KIAA0825: variants seen among roughly 807,000 people sequenced by gnomAD.
The protein encoded by KIAA0825 is uncharacterized protein KIAA0825.
A neutral mutation model predicts 147.6 loss-of-function variants in KIAA0825; 119 were observed. The ratio of observed to expected loss-of-function variants is 0.81; its 90% CI spans 0.69 to 0.94. The LOEUF is 0.94. Ranked by LOEUF, KIAA0825 falls within the 40% of genes least tolerant of loss-of-function variation. The pLI is 0.00. For missense variants in KIAA0825, 1,381 were observed against 1,472.7 expected (o/e 0.94, Z 1.02); for synonymous variants, 470 against 518.1 (o/e 0.91, Z 1.26).
At chr5:94,616,529 TACAC>T (rs146182240) in intron 1 of KIAA0825, among the ~76,000 whole-genome samples, 2 of 150,664 alleles carry the variant, frequency 1.3e-5, no homozygotes, top group East Asian at 1.9e-4. Flanking sequence ...TCTTTCTCCC[TACAC>T]ACACACACAC....
At chr5:94,393,388 G>A (rs1468371653) in intron 17 of KIAA0825, among the ~76,000 whole-genome samples, 2 of 152,150 alleles carry the variant, frequency 1.3e-5, no homozygotes, top group African/African-American at 4.8e-5. Flanking sequence ...TAAGTTGACT[G>A]TTTACAGCTT....
intron 18 of KIAA0825, among the ~76,000 whole-genome samples, chr5:94,389,747 A>G (rs112752156): frequency 9.6e-4 from 147 of 152,358 alleles, no homozygotes; most frequent in African/African-American, 3.4e-3. Context: ...GTGGAAAAGC[A>G]GTCATAAGTA....
chr5:94,560,135 T>G (rs1198740936), intron 2 of KIAA0825, among the ~76,000 whole-genome samples: 2 of 152,222 alleles, frequency 1.3e-5, no homozygotes, highest in South Asian at 4.1e-4. Flanking sequence ...TATAACTTAA[T>G]GTACCATCAT....
intron 2 of KIAA0825, among the ~76,000 whole-genome samples, chr5:94,538,124 T>G (rs1307004464): frequency 6.6e-6 from 1 of 152,128 alleles, no homozygotes; most frequent in African/African-American, 2.4e-5. Context: ...CCTCATGGAG[T>G]TTTTATTCTA....
chr5:94,600,814 T>C (rs1178507287), intron 1 of KIAA0825, among the ~76,000 whole-genome samples: 1 of 152,190 alleles, frequency 6.6e-6, no homozygotes, highest in Non-Finnish European at 1.5e-5. Flanking sequence ...ACCAGATTGC[T>C]TCCTTAAGTG....
rs962744592 is a variant in KIAA0825, at chr5:94,323,621, C to G, written c.3710+60747G>C. Among the ~76,000 whole-genome samples, 3 of 151,722 alleles carry G rather than the reference C, an allele frequency of 2.0e-5. No individual in the cohort carries two copies. The East Asian group carries it at 5.8e-4, about 29-fold the overall frequency. ...AAAGAATGGCAATGGCAAGACACTC[C>G]GTTTAAACAGAAACTTTAATTGCTT... is the stretch of plus-strand genomic sequence containing the variant. On this transcript the variant is annotated intron_variant, in intron 20 of 20. Transcript: ENST00000682413.
chr5:94,288,473 C>A lies in KIAA0825; in HGVS notation c.3710+95895G>T, dbSNP rs1584021932. Among the ~76,000 whole-genome samples the A allele has an allele frequency of 2.0e-5, 3 of 152,094 alleles. 1 individual carries two copies. Among genetic ancestry groups the A allele is most frequent in the African/African-American group, 7.2e-5 (3 of 41,412 alleles). On this transcript the variant is annotated intron_variant, in intron 20 of 20. Transcript: ENST00000682413. ...GGGAACAGGCTGAACAACATAGACA[C>A]TGGAAGAAAGCTTTGAGTTAGAGAA...
chr5:94,607,126 T>A (rs1359429366), intron 1 of KIAA0825, among the ~76,000 whole-genome samples: 1 of 152,046 alleles, frequency 6.6e-6, no homozygotes, highest in African/African-American at 2.4e-5. Flanking sequence ...AACTTTTATA[T>A]CCCATTTCCC....
At chr5:94,405,546 A>G (rs1021470466) in intron 15 of KIAA0825, among the ~76,000 whole-genome samples, 5 of 152,192 alleles carry the variant, frequency 3.3e-5, no homozygotes, top group African/African-American at 1.2e-4. Flanking sequence ...ATCATTGAAA[A>G]TCTTCTTCAA....
At chr5:94,603,170 C>T (rs1363975279) in intron 1 of KIAA0825, among the ~76,000 whole-genome samples, 2 of 152,102 alleles carry the variant, frequency 1.3e-5, no homozygotes, top group South Asian at 2.1e-4. Context: ...CTAATATAGG[C>T]AGCATGAGAG....
chr5:94,522,855 T>G (rs1768490774), intron 4 of KIAA0825, among the ~76,000 whole-genome samples: 1 of 151,730 alleles, frequency 6.6e-6, no homozygotes, highest in Non-Finnish European at 1.5e-5. Context: ...GATTAAAAGA[T>G]AATTAAAAGC....
At chr5:94,184,000 A>G (rs779439634) in intron 20 of KIAA0825, among the ~76,000 whole-genome samples, 3 of 152,168 alleles carry the variant, frequency 2.0e-5, no homozygotes, top group Non-Finnish European at 2.9e-5. Context: ...ACCACTTGTG[A>G]TTGGCATCCA....
intron 14 of KIAA0825, among the ~76,000 whole-genome samples, chr5:94,431,426 G>A (rs925897151): frequency 1.3e-5 from 2 of 152,134 alleles, no homozygotes; most frequent in African/African-American, 4.8e-5. Context: ...ACCAGGCCAG[G>A]CACTGGGGAT....
intron 20 of KIAA0825, among the ~76,000 whole-genome samples, chr5:94,224,016 CA>C (rs1409886719): frequency 2.1e-5 from 3 of 146,106 alleles, no homozygotes; most frequent in Non-Finnish European, 4.5e-5. Context: ...GTTAATTATT[CA>C]AAATGATTTC....
At chr5:94,363,705 A>T (rs573460849) in intron 20 of KIAA0825, among the ~76,000 whole-genome samples, 290 of 152,034 alleles carry the variant, frequency 1.9e-3, no homozygotes, top group Non-Finnish European at 2.3e-3. Context: ...TACAAAAAAA[A>T]TTTTTTTTAA....
chr5:94,457,670 C>G (rs569071730), intron 12 of KIAA0825, among the ~76,000 whole-genome samples: 2 of 152,190 alleles, frequency 1.3e-5, no homozygotes, highest in African/African-American at 4.8e-5. Flanking sequence ...CTGATCAGCT[C>G]TTTGGGCTTA....
chr5:94,539,971 C>T (rs1584826042), intron 2 of KIAA0825, among the ~76,000 whole-genome samples: 1 of 151,956 alleles, frequency 6.6e-6, no homozygotes, highest in Non-Finnish European at 1.5e-5. Flanking sequence ...CTTTTCCTCC[C>T]CAAAAAGGGA....
intron 20 of KIAA0825, among the ~76,000 whole-genome samples, chr5:94,294,550 AC>A (rs1169294690): frequency 1.3e-5 from 2 of 152,008 alleles, no homozygotes; most frequent in African/African-American, 4.8e-5. Flanking sequence ...ACATGGTGAA[AC>A]CCTGTTTCTA....
At chr5:94,401,790 T>A (rs1427594923) in intron 16 of KIAA0825, among the ~76,000 whole-genome samples, 2 of 152,154 alleles carry the variant, frequency 1.3e-5, no homozygotes, top group Non-Finnish European at 2.9e-5. Context: ...TGTACTTAGG[T>A]TTATCTCTGC....
Sources: allele counts gnomAD v4.1 joint callset (sites outside exome capture counted in the v4.1 genomes callset), GRCh38; gene constraint gnomAD v4.1.1; transcripts MANE v1.5; gene names NCBI Gene and HGNC (gene_info 2026-07-23, HGNC 2026-07-21).